OTUD7A: variants seen among roughly 807,000 people sequenced by gnomAD.
OTUD7A encodes the protein OTU domain-containing protein 7A.
Under a neutral mutation model 65.7 loss-of-function variants are expected in OTUD7A, and 12 were observed. That is an observed-to-expected ratio of 0.18 (90% CI 0.12 to 0.30). The LOEUF is 0.30. Among genes scored for constraint, OTUD7A ranks in the 10% least tolerant of loss-of-function variants. OTUD7A has a pLI of 1.00. For synonymous variants in OTUD7A, 641 were observed against 586.3 expected (o/e 1.09, Z -1.35); for missense variants, 1,148 against 1,304.8 (o/e 0.88, Z 1.85).
chr15:31,489,007 C>T (rs1047524326), intron 10 of OTUD7A, among the ~76,000 whole-genome samples: 10 of 152,216 alleles, frequency 6.6e-5, no homozygotes, highest in African/African-American at 2.4e-4. Context: ...GACGTGGCCA[C>T]CCTTTCCAGA....
At chr15:31,774,795 A>G (rs905431) in intron 1 of OTUD7A, among the ~76,000 whole-genome samples, 150,270 of 152,188 alleles carry the variant, frequency 0.99, 74,231 homozygotes, top group South Asian at 1. Flanking sequence ...TATTTTCACC[A>G]TAACAGCAAA....
intron 10 of OTUD7A, among the ~76,000 whole-genome samples, chr15:31,500,319 C>T (rs2041449847): frequency 6.6e-6 from 1 of 152,250 alleles, no homozygotes; most frequent in Non-Finnish European, 1.5e-5. Context: ...GTGGCCAGTG[C>T]CACATCTGCA....
intron 1 of OTUD7A, among the ~76,000 whole-genome samples, chr15:31,664,007 T>G (rs768691672): frequency 3.3e-5 from 5 of 152,204 alleles, no homozygotes; most frequent in Non-Finnish European, 5.9e-5. Flanking sequence ...GTTAATTCAT[T>G]TCTTTTTATG....
intron 1 of OTUD7A, among the ~76,000 whole-genome samples, chr15:31,793,104 G>A (rs11071343): frequency 0.12 from 18,090 of 152,122 alleles, 1,463 homozygotes; most frequent in East Asian, 0.43. Flanking sequence ...GAGACTGTGC[G>A]GCTGTGCTTC....
chr15:31,646,490 T>C (rs58853196), intron 3 of OTUD7A, among the ~76,000 whole-genome samples: 1,620 of 149,720 alleles, frequency 0.011, 20 homozygotes, highest in African/African-American at 0.03. Flanking sequence ...AGACAGAGTC[T>C]CACTCTGTTG....
chr15:31,482,220 G>C lies in OTUD7A; in HGVS notation c.*1074C>G, dbSNP rs1337708135. ...CGGAGGCAGGGTCGTCCTGCCCCGT[G>C]GAGGGGCCACGATCACAGTGAGTCC... On this transcript the variant is annotated 3_prime_UTR_variant, in exon 13 of 13. Transcript: ENST00000307050. 6.6e-6 allele frequency: 1 copy of C among 152,248 alleles called. No individual in the cohort carries two copies. The highest frequency in any genetic ancestry group is 1.5e-5 in the Non-Finnish European group (1 of 68,040). The allele number at this position is 152,248 out of a possible 1,614,324, so 9.4% of individuals were successfully genotyped here. A position where few individuals can be genotyped will look rare whatever the true frequency, so the allele number is the denominator to read the frequency against.
intron 1 of OTUD7A, among the ~76,000 whole-genome samples, chr15:31,749,709 G>T (rs1278125500): frequency 6.6e-6 from 1 of 151,772 alleles, no homozygotes; most frequent in Non-Finnish European, 1.5e-5. Context: ...TAACCAGAAC[G>T]ATCAGGCAAG....
At chr15:31,863,611 G>T (rs1175521948) in intron 1 of OTUD7A, among the ~76,000 whole-genome samples, 4 of 152,188 alleles carry the variant, frequency 2.6e-5, no homozygotes, top group Non-Finnish European at 5.9e-5. Flanking sequence ...CTGAGACACA[G>T]GGCACCAAGT....
At chr15:31,659,081 A>AAAT (rs1225958517) in intron 1 of OTUD7A, among the ~76,000 whole-genome samples, 8 of 136,692 alleles carry the variant, frequency 5.9e-5, no homozygotes, top group African/African-American at 1.5e-4. Flanking sequence ...ATAAATAAAT[A>AAAT]AAATAAAATT....
chr15:31,769,766 T>C (rs748770981), intron 1 of OTUD7A, among the ~76,000 whole-genome samples: 1 of 152,086 alleles, frequency 6.6e-6, no homozygotes, highest in African/African-American at 2.4e-5. Flanking sequence ...AGCAAAACTA[T>C]AGGGGCAGAG....
At chr15:31,807,119 T>G (rs916091187) in intron 1 of OTUD7A, among the ~76,000 whole-genome samples, 6 of 152,266 alleles carry the variant, frequency 3.9e-5, no homozygotes, top group Admixed American at 3.3e-4. Flanking sequence ...TGCCTGGCAA[T>G]GTACTAGTCT....
chr15:31,675,464 C>A (rs1892576642), intron 1 of OTUD7A, among the ~76,000 whole-genome samples: 1 of 152,192 alleles, frequency 6.6e-6, no homozygotes, highest in Admixed American at 6.5e-5. Flanking sequence ...ATACGGTCAT[C>A]TTAAAAGATG....
intron 3 of OTUD7A, among the ~76,000 whole-genome samples, chr15:31,605,160 C>A (rs1474318548): frequency 6.6e-6 from 1 of 152,136 alleles, no homozygotes; most frequent in Admixed American, 6.5e-5. Context: ...CTTACTCTCT[C>A]TGTGCTGTGT....
chr15:31,551,746 A>G (rs1158679881), intron 5 of OTUD7A, among the ~76,000 whole-genome samples: 4 of 152,174 alleles, frequency 2.6e-5, no homozygotes, highest in African/African-American at 9.7e-5. Context: ...ATATCACTGG[A>G]GTGCTCCCTC....
intron 1 of OTUD7A, chr15:31,766,961 T>G: frequency 1.2e-6 from 2 of 1,611,830 alleles, no homozygotes; most frequent in Admixed American, 3.3e-5. Context: ...TCACGCATAC[T>G]ACTTAACCCT....
At chr15:31,766,572 T>C in intron 1 of OTUD7A, 2 of 1,613,248 alleles carry the variant, frequency 1.2e-6, no homozygotes, top group African/African-American at 1.3e-5. Context: ...TTGTCCAACA[T>C]TTGGTTTCAT....
intron 1 of OTUD7A, among the ~76,000 whole-genome samples, chr15:31,771,492 T>A (rs915312600): frequency 6.6e-6 from 1 of 152,208 alleles, no homozygotes; most frequent in African/African-American, 2.4e-5. Flanking sequence ...CTTCCTTGCA[T>A]CACGTATGCA....
At chr15:31,721,049 G>GCTATACCA (rs1893723415) in intron 1 of OTUD7A, among the ~76,000 whole-genome samples, 1 of 152,198 alleles carries the variant, frequency 6.6e-6, no homozygotes, top group Non-Finnish European at 1.5e-5. Flanking sequence ...CATAGCCTAG[G>GCTATACCA]CATGTAGTAG....
intron 1 of OTUD7A, among the ~76,000 whole-genome samples, chr15:31,668,135 T>C (rs1276673491): frequency 6.6e-6 from 1 of 152,244 alleles, no homozygotes; most frequent in African/African-American, 2.4e-5. Flanking sequence ...TGATGATCTT[T>C]TTGAGATGAA....
Sources: allele counts gnomAD v4.1 joint callset (sites outside exome capture counted in the v4.1 genomes callset), GRCh38; gene constraint gnomAD v4.1.1; transcripts MANE v1.5; gene names NCBI Gene and HGNC (gene_info 2026-07-23, HGNC 2026-07-21).